Variants in AFAP1L2 observed in about 807,000 individuals in gnomAD.
AFAP1L2 encodes the protein actin filament-associated protein 1-like 2.
Under a neutral mutation model 99.3 loss-of-function variants are expected in AFAP1L2, and 46 were observed. The ratio of observed to expected loss-of-function variants is 0.46; its 90% confidence interval spans 0.37 to 0.59. AFAP1L2 has a LOEUF of 0.59. Ranked by LOEUF, AFAP1L2 falls within the 20% of genes least tolerant of loss-of-function variation. The probability of loss-of-function intolerance (pLI) is 0.00; values close to 1 mark genes in which losing one functional copy is unlikely to be tolerated. For synonymous variants in AFAP1L2, 397 were observed against 419.1 expected (o/e 0.95, Z 0.64); for missense variants, 959 against 1,034.9 (o/e 0.93, Z 1.01).
At chr10:114,330,361 A>T (rs982865401) in intron 4 of AFAP1L2, among the ~76,000 whole-genome samples, 16 of 151,540 alleles carry the variant, frequency 1.1e-4, no homozygotes, top group African/African-American at 3.9e-4. Context: ...ACCCACATAA[A>T]CCCTCCTAAG....
intron 7 of AFAP1L2, 83 bp downstream of exon 7, chr10:114,313,788 C>T (rs1009442807): frequency 1.4e-5 from 20 of 1,399,268 alleles, no homozygotes; most frequent in Non-Finnish European, 1.9e-5. Context: ...ATCCTCTACC[C>T]CTGACCCTAT....
intron 1 of AFAP1L2, among the ~76,000 whole-genome samples, chr10:114,341,422 A>G (rs2901043): frequency 0.68 from 103,146 of 151,718 alleles, 37,910 homozygotes; most frequent in East Asian, 0.92. Flanking sequence ...GACCATCCTG[A>G]CCAACAGGGT....
intron 1 of AFAP1L2, among the ~76,000 whole-genome samples, chr10:114,364,551 CTCT>C (rs1205484454): frequency 1.3e-5 from 2 of 152,180 alleles, no homozygotes; most frequent in East Asian, 3.9e-4. Context: ...TGTCCAAACT[CTCT>C]TCTTCTTATA....
intron 1 of AFAP1L2, among the ~76,000 whole-genome samples, chr10:114,395,195 A>G (rs2057565706): frequency 6.6e-6 from 1 of 152,150 alleles, no homozygotes; most frequent in Non-Finnish European, 1.5e-5. Context: ...TGTAGTACCT[A>G]ATGTTGGTGT....
rs141198592 is a variant in AFAP1L2 at position 114,341,896 on chromosome 10, C to A, written c.17-1165G>T. 1.1e-3 allele frequency among the ~76,000 whole-genome samples: 171 copies of A among 152,238 alleles called. 1 individual carries two copies. The highest frequency in any genetic ancestry group is 2.0e-3 in the Non-Finnish European group (134 of 68,016). ...TCCTCAGAAGAAAGAATTTGAGAGGCATAAGGCAGAAGGGGAAACTGAGAC... is the reference window on the plus strand; with the variant it reads ...TCCTCAGAAGAAAGAATTTGAGAGGAATAAGGCAGAAGGGGAAACTGAGAC... On this transcript the variant is annotated intron_variant, in intron 1 of 18. Transcript: ENST00000304129.
chr10:114,304,873 T>A lies in AFAP1L2; in HGVS notation c.1130A>T (p.Asp377Val). ...GTCCTGGTAGAAGTGCAGGTGATTGTCCCTGACAGAGCACCAGCGAGACTT... is the reference window on the plus strand; with the variant it reads ...GTCCTGGTAGAAGTGCAGGTGATTGACCCTGACAGAGCACCAGCGAGACTT... The part of the protein sequence containing the change: ...QWKSRWCSVR[D>V]NHLHFYQDRN... Residue 377 changes from aspartate to valine, a missense_variant, in exon 11 of 19, where the codon GAC (aspartate) becomes GTC (valine). Coordinates refer to ENST00000304129, the MANE Select transcript of AFAP1L2 (RefSeq NM_001001936.3). 1 of 1,613,334 alleles carries A rather than the reference T, an allele frequency of 6.2e-7. No individual in the cohort carries two copies.
chr10:114,337,650 G>T (rs2048182391), intron 2 of AFAP1L2, among the ~76,000 whole-genome samples: 1 of 152,166 alleles, frequency 6.6e-6, no homozygotes, highest in Non-Finnish European at 1.5e-5. Flanking sequence ...GAACAAAAAG[G>T]TCATCCTACA....
intron 1 of AFAP1L2, among the ~76,000 whole-genome samples, chr10:114,352,344 C>T (rs1006975296): frequency 6.6e-6 from 1 of 151,936 alleles, no homozygotes; most frequent in African/African-American, 2.4e-5. Context: ...CATGGTGGTG[C>T]AAGCCTGTAG....
intron 11 of AFAP1L2, among the ~76,000 whole-genome samples, chr10:114,302,777 T>G (rs987599218): frequency 6.6e-6 from 1 of 152,222 alleles, no homozygotes; most frequent in Non-Finnish European, 1.5e-5. Flanking sequence ...TGAAAACTTA[T>G]CACCAGGTGG....
chr10:114,378,813 G>A (rs1292956450), intron 1 of AFAP1L2, among the ~76,000 whole-genome samples: 1 of 152,224 alleles, frequency 6.6e-6, no homozygotes, highest in Non-Finnish European at 1.5e-5. Context: ...ACCAGATAGA[G>A]AAGTGACTAC....
the AFAP1L2 span, chr10:114,286,327 G>C: frequency 6.2e-7 from 1 of 1,612,746 alleles, no homozygotes. Flanking sequence ...ATGAGGTTGC[G>C]GGCCCAGCGC....
chr10:114,297,906 C>T (rs1386685086), intron 16 of AFAP1L2, among the ~76,000 whole-genome samples: 1 of 152,126 alleles, frequency 6.6e-6, no homozygotes, highest in East Asian at 1.9e-4. Flanking sequence ...TGCCTAGGGC[C>T]TGTATCCTAG....
At chr10:114,350,660 C>T (rs2050333664) in intron 1 of AFAP1L2, among the ~76,000 whole-genome samples, 1 of 152,180 alleles carries the variant, frequency 6.6e-6, no homozygotes, top group South Asian at 2.1e-4. Context: ...CCCCTGGCAG[C>T]TGATGGGCTG....
At chr10:114,390,504 C>T (rs1439196884) in intron 1 of AFAP1L2, among the ~76,000 whole-genome samples, 3 of 152,014 alleles carry the variant, frequency 2.0e-5, no homozygotes, top group African/African-American at 7.2e-5. Context: ...GGGCAGATCA[C>T]GAGGTCAGGA....
Position 114,386,758 on chromosome 10 carries a change from C to A in AFAP1L2, c.16+17682G>T, listed in dbSNP as rs56357204. 9.2e-3 allele frequency among the ~76,000 whole-genome samples: 1,397 copies of A among 152,340 alleles called. 24 individuals carry two copies. Among genetic ancestry groups the A allele is most frequent in the African/African-American group, 0.032 (1,321 of 41,584 alleles). ...AGGGAGTGACCGAGCAAAGCACACC[C>A]AGCAACGGCACATCCCCAGGCAGAT... On this transcript the variant is annotated intron_variant, in intron 1 of 18. Transcript: ENST00000304129.
downstream of AFAP1L2, among the ~76,000 whole-genome samples, chr10:114,291,683 T>G (rs559917570): frequency 2.0e-5 from 3 of 152,338 alleles, no homozygotes; most frequent in South Asian, 6.2e-4. Context: ...TAGAGCATCC[T>G]TTGGACGGCG....
chr10:114,323,332 C>T (rs976213788), intron 4 of AFAP1L2, 71 bp from the exon 5 acceptor site: 60 of 1,382,660 alleles, frequency 4.3e-5, no homozygotes, highest in East Asian at 3.7e-4. Flanking sequence ...AATAACTCTT[C>T]GGGTGGAAGT....
intron 11 of AFAP1L2, among the ~76,000 whole-genome samples, chr10:114,304,391 A>C (rs1378910753): frequency 6.6e-6 from 1 of 152,152 alleles, no homozygotes; most frequent in Non-Finnish European, 1.5e-5. Context: ...CTGGGCCTAG[A>C]GGCTCTCCCA....
At chr10:114,284,921 C>T in the AFAP1L2 span, 223 of 1,605,416 alleles carry the variant, frequency 1.4e-4, no homozygotes, top group African/African-American at 5.5e-4. Context: ...AAGGACTGGA[C>T]GGCTACCAGT....
Sources: allele counts gnomAD v4.1 joint callset (sites outside exome capture counted in the v4.1 genomes callset), GRCh38; gene constraint gnomAD v4.1.1; transcripts MANE v1.5; gene names NCBI Gene and HGNC (gene_info 2026-07-23, HGNC 2026-07-21).